Variants in KIRREL3 observed in about 807,000 individuals in gnomAD.
The protein encoded by KIRREL3 is kirre like nephrin family adhesion molecule 3.
In KIRREL3, 36 loss-of-function variants were observed where a neutral mutation model predicts 89.7. The ratio of observed to expected loss-of-function variants is 0.40; its 90% CI spans 0.31 to 0.53. KIRREL3 has a LOEUF of 0.53. Among genes scored for constraint, KIRREL3 ranks in the 20% least tolerant of loss-of-function variants. KIRREL3 has a pLI of 0.49. For missense variants in KIRREL3, 864 were observed against 1,056.6 expected, an observed-to-expected ratio of 0.82 and a Z score of 2.53; for synonymous variants, 445 against 441.4, an observed-to-expected ratio of 1.01 and a Z score of -0.10.
At position 126,872,612 on chromosome 11, in the gene KIRREL3, C is replaced by A. The variant is rs1359490675; in HGVS notation, c.55+127843G>T. ...AACAGCCCCTCTAAGGGACCTTAGGCCTTGTTATCTTTGAAAAAATGCTCC... is the reference window on the plus strand; with the variant it reads ...AACAGCCCCTCTAAGGGACCTTAGGACTTGTTATCTTTGAAAAAATGCTCC... On this transcript the variant is annotated intron_variant, in intron 1 of 16. Transcript: ENST00000525144. The surrounding 1 kb of genome is among the most constrained non-coding windows in gnomAD (Gnocchi z 4.2). Among the ~76,000 whole-genome samples the A allele has an allele frequency of 6.6e-6, 1 of 152,188 alleles. No homozygotes were observed. Among genetic ancestry groups the A allele is most frequent in the African/African-American group, 2.4e-5 (1 of 41,436 alleles).
At position 126,744,705 on chromosome 11, in the gene KIRREL3, C is replaced by T. The variant is rs1949087190; in HGVS notation, c.56-181793G>A. Reference sequence around the variant, plus strand: ...AATAGTGTCTCGTGGAAACTAAGGACCCGATGAACAGTACTCGTATTACTA... The same window carrying T: ...AATAGTGTCTCGTGGAAACTAAGGATCCGATGAACAGTACTCGTATTACTA... On this transcript the variant is annotated intron_variant, in intron 1 of 16. Coordinates refer to ENST00000525144, the MANE Select transcript of KIRREL3 (RefSeq NM_032531.4). The surrounding 1 kb of genome is among the most constrained non-coding windows in gnomAD (Gnocchi z 4.7). 6.6e-6 allele frequency among the ~76,000 whole-genome samples: 1 copy of T among 152,120 alleles called. No individual in the cohort carries two copies. The highest frequency in any genetic ancestry group is 2.1e-4 in the South Asian group (1 of 4,818).
rs1956582903 is a variant in KIRREL3 at position 126,462,543 on chromosome 11, T to C, written c.742+614A>G. On this transcript the variant is annotated intron_variant, in intron 6 of 16. Coordinates refer to ENST00000525144, the MANE Select transcript of KIRREL3 (RefSeq NM_032531.4). The surrounding 1 kb of genome is among the most constrained non-coding windows in gnomAD (Gnocchi z 4.8). ...AGCTGGGTGTAGTGATGGATGCCTG[T>C]CATCCCAGCTACTCAGGCAGGCTAA... 6.6e-6 allele frequency among the ~76,000 whole-genome samples: 1 copy of C among 152,114 alleles called. No individual in the cohort carries two copies. The highest frequency in any genetic ancestry group is 1.5e-5 in the Non-Finnish European group (1 of 68,022).
rs1945894410 is a variant in KIRREL3, at chr11:126,890,922, C to A, written c.55+109533G>T. Among the ~76,000 whole-genome samples the A allele has an allele frequency of 6.6e-6, 1 of 152,194 alleles. No homozygotes were observed. The highest frequency in any genetic ancestry group is 2.1e-4 in the South Asian group (1 of 4,828). The stretch of plus-strand genomic sequence containing the variant: ...CCTCAGCTCCCTGATATGTTAATTC[C>A]CAGGCTGATTCCAGTGCTGTTGGTC... On this transcript the variant is annotated intron_variant, in intron 1 of 16. Coordinates refer to ENST00000525144, the MANE Select transcript of KIRREL3 (RefSeq NM_032531.4). This position sits in a 1 kb window ranked among gnomAD's most constrained non-coding sequence, Gnocchi z 5.1.
rs11819992 is a variant in KIRREL3, at chr11:126,977,572, T to C, written c.55+22883A>G. On this transcript the variant is annotated intron_variant, in intron 1 of 16. Transcript: ENST00000525144. The surrounding 1 kb of genome is among the most constrained non-coding windows in gnomAD (Gnocchi z 4.7). ...CTGTATTCTTTCAACAAGCATTTAT[T>C]GAATGCCTACTATGCACCTGTCTAT... Among the ~76,000 whole-genome samples the C allele has an allele frequency of 0.16, 24,298 of 152,216 alleles. 2,167 individuals are homozygous for C. Among genetic ancestry groups the C allele is most frequent in the African/African-American group, 0.25 (10,306 of 41,494 alleles).
chr11:126,588,415 G>A (rs912997104), intron 1 of KIRREL3, among the ~76,000 whole-genome samples: 2 of 152,184 alleles, frequency 1.3e-5, no homozygotes, highest in African/African-American at 4.8e-5. Flanking sequence ...TACCTGGGAG[G>A]GCTATGCTGG....
chr11:126,446,332 C>CTT, intron 9 of KIRREL3, among the ~76,000 whole-genome samples: 1 of 149,586 alleles, frequency 6.7e-6, no homozygotes. Context: ...TCCTTTCTTT[C>CTT]TTTCCTTTCT....
rs1236768410 is a variant in KIRREL3 at position 126,551,267 on chromosome 11, G to A, written c.133+11568C>T. ...CATTCCTTCCCCTAGGGTGTGAGGC[G>A]GGACTCTCTCAGGGAAGGGTCTTAA... On this transcript the variant is annotated intron_variant, in intron 2 of 16. Transcript: ENST00000525144. The surrounding 1 kb of genome is among the most constrained non-coding windows in gnomAD (Gnocchi z 4.9). Among the ~76,000 whole-genome samples the A allele has an allele frequency of 2.0e-5, 3 of 152,052 alleles. No individual in the cohort carries two copies. The highest frequency in any genetic ancestry group is 2.9e-5 in the Non-Finnish European group (2 of 68,010).
intron 1 of KIRREL3, among the ~76,000 whole-genome samples, chr11:126,849,688 C>T (rs559301504): frequency 5.9e-5 from 9 of 152,158 alleles, no homozygotes; most frequent in East Asian, 3.9e-4. Context: ...GTGGGGAGAA[C>T]GGGCACTTGA....
chr11:126,630,629 C>T (rs1362147617), intron 1 of KIRREL3, among the ~76,000 whole-genome samples: 1 of 152,182 alleles, frequency 6.6e-6, no homozygotes, highest in Non-Finnish European at 1.5e-5. Flanking sequence ...CTGCCTGGAG[C>T]TGGCCTCTGA....
rs769065038 is a variant in KIRREL3 at position 126,605,413 on chromosome 11, G to A, written c.56-42501C>T. ...ACTTGGGTCTGGGATTTGAGGCTCAGGGGGAGGAGTCCTGCGGTGACTGCT... is the reference window on the plus strand; with the variant it reads ...ACTTGGGTCTGGGATTTGAGGCTCAAGGGGAGGAGTCCTGCGGTGACTGCT... On this transcript the variant is annotated intron_variant, in intron 1 of 16. Transcript: ENST00000525144. The surrounding 1 kb of genome is among the most constrained non-coding windows in gnomAD (Gnocchi z 5.7). 6.6e-6 allele frequency among the ~76,000 whole-genome samples: 1 copy of A among 152,182 alleles called. No homozygotes were observed. The highest frequency in any genetic ancestry group is 2.4e-5 in the African/African-American group (1 of 41,442).
In KIRREL3 at chr11:126,729,575, T is replaced by C. The variant is rs894876265; in HGVS notation, c.56-166663A>G. On this transcript the variant is annotated intron_variant, in intron 1 of 16. Transcript: ENST00000525144. The surrounding 1 kb of genome is among the most constrained non-coding windows in gnomAD (Gnocchi z 4.5). Reference sequence around the variant, plus strand: ...GTACTGTCCCTGTAAACAATGAGGCTGGAAGGCAAGAAAGGAGCAGCTCCC... The same window carrying C: ...GTACTGTCCCTGTAAACAATGAGGCCGGAAGGCAAGAAAGGAGCAGCTCCC... Among the ~76,000 whole-genome samples the C allele has an allele frequency of 1.3e-5, 2 of 152,142 alleles. No individual in the cohort carries two copies. Among genetic ancestry groups the C allele is most frequent in the Non-Finnish European group, 2.9e-5 (2 of 68,030 alleles).
chr11:126,478,559 G>A (rs953079839), intron 4 of KIRREL3, among the ~76,000 whole-genome samples: 8 of 151,944 alleles, frequency 5.3e-5, no homozygotes, highest in Non-Finnish European at 1.0e-4. Context: ...GTATATGTGT[G>A]TATGTGTATA....
intron 10 of KIRREL3, among the ~76,000 whole-genome samples, chr11:126,444,557 C>T (rs1292928393): frequency 6.6e-6 from 1 of 152,206 alleles, no homozygotes; most frequent in Non-Finnish European, 1.5e-5. Flanking sequence ...CGTGCCACTG[C>T]ATTCCAGTCT....
At chr11:126,840,667 G>A (rs1306347154) in intron 1 of KIRREL3, among the ~76,000 whole-genome samples, 1 of 152,168 alleles carries the variant, frequency 6.6e-6, no homozygotes, top group African/African-American at 2.4e-5. Flanking sequence ...ATAAAATCTT[G>A]TGCAGAACAG....
At chr11:126,927,278 A>G (rs905623543) in intron 1 of KIRREL3, among the ~76,000 whole-genome samples, 11 of 152,198 alleles carry the variant, frequency 7.2e-5, no homozygotes, top group Non-Finnish European at 1.3e-4. Flanking sequence ...ACACACATAC[A>G]TGCACACAAC....
chr11:126,873,744 C>T (rs775772264), intron 1 of KIRREL3, among the ~76,000 whole-genome samples: 20 of 152,194 alleles, frequency 1.3e-4, no homozygotes, highest in Admixed American at 7.9e-4. Context: ...ATCTGTCCAG[C>T]CTCATCCATA....
chr11:126,960,896 A>T (rs1281776455), intron 1 of KIRREL3, among the ~76,000 whole-genome samples: 1 of 152,276 alleles, frequency 6.6e-6, no homozygotes, highest in South Asian at 2.1e-4. Flanking sequence ...TGTGTCTCAC[A>T]TTATGGTTAT....
In KIRREL3 at chr11:126,807,129, T is replaced by C. The variant is rs1054221670; in HGVS notation, c.55+193326A>G. ...CAAGGATAACTATCTTTTTCCAAGT[T>C]CCCAAGCAGGTTTGGGAGTAGGACG... is the stretch of plus-strand genomic sequence containing the variant. On this transcript the variant is annotated intron_variant, in intron 1 of 16. Transcript: ENST00000525144. The surrounding 1 kb of genome is among the most constrained non-coding windows in gnomAD (Gnocchi z 4.3). Among the ~76,000 whole-genome samples the C allele has an allele frequency of 2.0e-5, 3 of 152,184 alleles. No homozygotes were observed. Among genetic ancestry groups the C allele is most frequent in the African/African-American group, 7.2e-5 (3 of 41,442 alleles).
In KIRREL3 at chr11:126,918,805, C is replaced by A. The variant is rs1322391187; in HGVS notation, c.55+81650G>T. Among the ~76,000 whole-genome samples, 1 of 152,078 alleles carries A rather than the reference C, an allele frequency of 6.6e-6. No individual in the cohort carries two copies. Among genetic ancestry groups the A allele is most frequent in the African/African-American group, 2.4e-5 (1 of 41,426 alleles). ...GTGTGCAAGGCCTTCCTGATGTCTG[C>A]ATGTTATAAAGAATGGGGAGCTAGC... On this transcript the variant is annotated intron_variant, in intron 1 of 16. Coordinates refer to ENST00000525144, the MANE Select transcript of KIRREL3 (RefSeq NM_032531.4). The surrounding 1 kb of genome is among the most constrained non-coding windows in gnomAD (Gnocchi z 6.5).
Sources: gnomAD v4.1 joint callset for allele counts (sites outside exome capture counted in the v4.1 genomes callset) on GRCh38, gnomAD v4.1.1 for gene constraint, Gnocchi (gnomAD v3.1) non-coding constraint, MANE v1.5 for transcripts, NCBI Gene and HGNC (gene_info 2026-07-23, HGNC 2026-07-21) for gene names.